The following GRIA1 variants were observed in gnomAD, a reference collection of about 807,000 sequenced individuals.
GRIA1 encodes the protein glutamate receptor 1.
In GRIA1, 31 loss-of-function variants were observed where a neutral mutation model predicts 99.2. The observed-to-expected ratio is 0.31, with a 90% CI of 0.23 to 0.42. GRIA1 has a LOEUF of 0.42. Among genes scored for constraint, GRIA1 ranks in the 10% least tolerant of loss-of-function variants. GRIA1 has a pLI of 1.00. For missense variants in GRIA1, 782 were observed against 1,157.5 expected, an observed-to-expected ratio of 0.68 and a Z score of 4.71; for synonymous variants, 438 against 432.4, an observed-to-expected ratio of 1.01 and a Z score of -0.16.
chr5:153,802,509 GC>G lies in GRIA1; in HGVS notation c.2520+21del. On this transcript the variant is annotated intron_variant, in intron 15 of 15. Transcript: ENST00000285900. ...GATGAAGGTGGCATCGTCTTCCCGG[GC>G]CTTTTTCCTAACCTGTTCTGTGATG... is the stretch of plus-strand genomic sequence containing the variant. 1 of 1,613,682 alleles carries G rather than the reference GC, an allele frequency of 6.2e-7. No individual in the cohort carries two copies. The highest frequency in any genetic ancestry group is 8.5e-7 in the Non-Finnish European group (1 of 1,179,718).
intron 2 of GRIA1, among the ~76,000 whole-genome samples, chr5:153,508,255 T>C (rs2113291292): frequency 6.6e-6 from 1 of 152,358 alleles, no homozygotes; most frequent in Non-Finnish European, 1.5e-5. Flanking sequence ...GGAGACATTC[T>C]ATATCTGTGC....
At chr5:153,764,675 C>A in intron 12 of GRIA1, 43 bp downstream of exon 12, 4 of 1,348,190 alleles carry the variant, frequency 3.0e-6, no homozygotes, top group Non-Finnish European at 4.3e-6. Context: ...CAAAAGGGAA[C>A]CACAACTGTC....
At chr5:153,493,751 G>T (rs1754150140) in intron 1 of GRIA1, among the ~76,000 whole-genome samples, 177 bp from the exon 2 acceptor site, 2 of 152,180 alleles carry the variant, frequency 1.3e-5, no homozygotes, top group South Asian at 4.1e-4. Flanking sequence ...AAGCTCATCT[G>T]TAGGAGTTTA....
At chr5:153,736,044 T>G (rs1290692418) in intron 11 of GRIA1, among the ~76,000 whole-genome samples, 3 of 152,126 alleles carry the variant, frequency 2.0e-5, no homozygotes, top group Non-Finnish European at 2.9e-5. Flanking sequence ...CATACAGTAT[T>G]TAAATCCATG....
intron 2 of GRIA1, among the ~76,000 whole-genome samples, chr5:153,643,014 G>A (rs374898467): frequency 6.6e-6 from 1 of 152,188 alleles, no homozygotes; most frequent in Non-Finnish European, 1.5e-5. Flanking sequence ...CTGCAGAGTA[G>A]TGATCTTTGC....
chr5:153,625,135 G>A (rs1358168610), intron 2 of GRIA1, among the ~76,000 whole-genome samples: 1 of 152,092 alleles, frequency 6.6e-6, no homozygotes, highest in Non-Finnish European at 1.5e-5. Flanking sequence ...TGCTGCTGAA[G>A]CTTAGCTGTG....
chr5:153,554,893 C>T (rs1760482095), intron 2 of GRIA1, among the ~76,000 whole-genome samples: 1 of 152,120 alleles, frequency 6.6e-6, no homozygotes, highest in Non-Finnish European at 1.5e-5. Context: ...TCCTTTCTTC[C>T]CTGTCTACTA....
intron 5 of GRIA1, among the ~76,000 whole-genome samples, chr5:153,659,314 T>C (rs1018761825): frequency 2.0e-5 from 3 of 152,216 alleles, no homozygotes; most frequent in African/African-American, 7.2e-5. Context: ...GAGAGATATG[T>C]ATGTTTATTT....
intron 2 of GRIA1, among the ~76,000 whole-genome samples, chr5:153,510,574 G>A (rs1222110635): frequency 6.6e-6 from 1 of 152,156 alleles, no homozygotes; most frequent in East Asian, 1.9e-4. Context: ...ATATCTGCAG[G>A]AGGGTTTCTC....
chr5:153,652,238 A>G (rs1423529730), intron 4 of GRIA1, among the ~76,000 whole-genome samples: 2 of 152,238 alleles, frequency 1.3e-5, no homozygotes, highest in African/African-American at 2.4e-5. Context: ...GCAAGATAAC[A>G]TAGTCGATGG....
chr5:153,648,730 G>A (rs1403992140), intron 3 of GRIA1, among the ~76,000 whole-genome samples: 2 of 152,132 alleles, frequency 1.3e-5, no homozygotes, highest in Admixed American at 6.5e-5. Flanking sequence ...TACCATATTG[G>A]TCACTGTGGA....
chr5:153,568,152 G>A (rs1241710507), intron 2 of GRIA1, among the ~76,000 whole-genome samples: 2 of 152,186 alleles, frequency 1.3e-5, no homozygotes, highest in African/African-American at 2.4e-5. Flanking sequence ...TGACGAAGCA[G>A]TCTACATTTA....
At chr5:153,713,105 C>T (rs997810873) in intron 11 of GRIA1, among the ~76,000 whole-genome samples, 16 of 152,142 alleles carry the variant, frequency 1.1e-4, no homozygotes, top group Admixed American at 1.0e-3. Context: ...AGTCAAAAGC[C>T]GTAAACATGG....
intron 3 of GRIA1, 147 bp downstream of exon 3, chr5:153,647,314 A>G (rs1754226092): frequency 1.4e-5 from 14 of 988,746 alleles, no homozygotes; most frequent in African/African-American, 3.2e-5. Flanking sequence ...CTGATTTATC[A>G]GTAGCTGACC....
chr5:153,745,361 G>A (rs1047928241), intron 11 of GRIA1, among the ~76,000 whole-genome samples: 3 of 151,926 alleles, frequency 2.0e-5, no homozygotes, highest in Non-Finnish European at 4.4e-5. Flanking sequence ...GCCAAGGTGA[G>A]TGGGTCACCT....
intron 14 of GRIA1, among the ~76,000 whole-genome samples, chr5:153,797,912 G>A (rs370752080): frequency 2.0e-5 from 3 of 152,254 alleles, no homozygotes; most frequent in East Asian, 3.9e-4. Flanking sequence ...CAATTAACAC[G>A]AGCTCCTTTT....
intron 1 of GRIA1, among the ~76,000 whole-genome samples, chr5:153,492,496 G>A (rs1754017784): frequency 6.6e-6 from 1 of 152,142 alleles, no homozygotes. Flanking sequence ...GGAAGGGGGA[G>A]CATCATAATC....
At chr5:153,538,407 A>G (rs1758773751) in intron 2 of GRIA1, among the ~76,000 whole-genome samples, 1 of 152,192 alleles carries the variant, frequency 6.6e-6, no homozygotes, top group South Asian at 2.1e-4. Flanking sequence ...AACAAAGACC[A>G]CAAGATGAGT....
At chr5:153,764,039 A>G (rs1763355212) in intron 11 of GRIA1, among the ~76,000 whole-genome samples, 1 of 152,200 alleles carries the variant, frequency 6.6e-6, no homozygotes, top group African/African-American at 2.4e-5. Flanking sequence ...ATGTGTATAA[A>G]TGCATTTGCA....
Sources: allele counts gnomAD v4.1 joint callset (sites outside exome capture counted in the v4.1 genomes callset), GRCh38; gene constraint gnomAD v4.1.1; transcripts MANE v1.5; gene names NCBI Gene and HGNC (gene_info 2026-07-23, HGNC 2026-07-21).